Variants in ELMO2 observed in about 807,000 individuals in gnomAD.
ELMO2 encodes engulfment and cell motility protein 2.
In ELMO2, 37 loss-of-function variants were observed where a neutral mutation model predicts 96.2. The ratio of observed to expected loss-of-function variants is 0.38; its 90% CI spans 0.30 to 0.51. The LOEUF is 0.51. Ranked by LOEUF, ELMO2 falls within the 20% of genes least tolerant of loss-of-function variation. The pLI is 0.88. For synonymous variants in ELMO2, 315 were observed against 329.4 expected (o/e 0.96, Z 0.47); for missense variants, 561 against 912.6 (o/e 0.61, Z 4.96).
intron 6 of ELMO2, among the ~76,000 whole-genome samples, chr20:46,391,132 G>C (rs2060143464): frequency 6.6e-6 from 1 of 152,184 alleles, no homozygotes; most frequent in Non-Finnish European, 1.5e-5. Flanking sequence ...GTAACTCCCA[G>C]ACTGTCATAT....
At chr20:46,405,470 G>A (rs918908426) in intron 1 of ELMO2, among the ~76,000 whole-genome samples, 2 of 152,198 alleles carry the variant, frequency 1.3e-5, no homozygotes, top group Non-Finnish European at 2.9e-5. Context: ...GCGGACGGAC[G>A]AGTAGACAGA....
At chr20:46,378,889 A>G (rs6090484) in intron 11 of ELMO2, among the ~76,000 whole-genome samples, 2,943 of 152,342 alleles carry the variant, frequency 0.019, 87 homozygotes, top group African/African-American at 0.067. Flanking sequence ...GGCAGACTCC[A>G]AAGTCCATGT....
rs2060037196 is a variant in ELMO2, at chr20:46,386,116, T to C, written c.677+8A>G. 6.2e-7 allele frequency: 1 copy of C among 1,610,748 alleles called. No individual in the cohort carries two copies. Among genetic ancestry groups the C allele is most frequent in the Non-Finnish European group, 8.5e-7 (1 of 1,177,914 alleles). ...TGAAGGGAGGGAGGTGTAGGGTTTT[T>C]TACTCACACCTGGAGGTGTGAGATG... On this transcript the variant is annotated splice_region_variant and intron_variant, in intron 9 of 21. Coordinates refer to ENST00000290246, the MANE Select transcript of ELMO2 (RefSeq NM_133171.5).
chr20:46,376,785 C>A (rs1439512608), intron 11 of ELMO2: 2 of 1,289,182 alleles, frequency 1.6e-6, no homozygotes, highest in African/African-American at 1.5e-5. Flanking sequence ...CCACTATGTC[C>A]TTCAATTTCC....
chr20:46,377,426 C>G (rs1265128764), intron 11 of ELMO2, among the ~76,000 whole-genome samples: 1 of 152,212 alleles, frequency 6.6e-6, no homozygotes, highest in Admixed American at 6.5e-5. Flanking sequence ...ACTGGACGGT[C>G]CTGCTCTAGA....
chr20:46,402,317 C>T (rs2060350210), intron 1 of ELMO2, among the ~76,000 whole-genome samples: 2 of 152,200 alleles, frequency 1.3e-5, no homozygotes. Flanking sequence ...GGAAAATTCC[C>T]TCCAGGGTGC....
At chr20:46,368,345 C>CAGT (rs1858091845) in intron 21 of ELMO2, among the ~76,000 whole-genome samples, 1 of 152,030 alleles carries the variant, frequency 6.6e-6, no homozygotes, top group African/African-American at 2.4e-5. Flanking sequence ...GATGGAACTA[C>CAGT]AGGGCCCTTG....
intron 5 of ELMO2, 28 bp from the exon 6 acceptor site, chr20:46,393,171 G>A (rs767877615): frequency 6.2e-6 from 10 of 1,608,280 alleles, no homozygotes; most frequent in Non-Finnish European, 7.7e-6. Flanking sequence ...AACAAAAAAA[G>A]TAACTAAGAT....
At chr20:46,369,104 C>T (rs1244702042) in intron 20 of ELMO2, 136 bp from the exon 21 acceptor site, 3 of 794,912 alleles carry the variant, frequency 3.8e-6, no homozygotes, top group East Asian at 2.6e-5. Context: ...TGCTCCTAGG[C>T]GGCCACAAGT....
In ELMO2 at chr20:46,394,595, T is replaced by C. The variant is rs549054691; in HGVS notation, c.-50-63A>G. On this transcript the variant is annotated intron_variant, in intron 2 of 21. Coordinates refer to ENST00000290246, the MANE Select transcript of ELMO2 (RefSeq NM_133171.5). ...TTCTTCATTTTTCACTCTTGTTACA[T>C]GTTTTGAAGAGTTTGAAGACAGACA... The C allele has an allele frequency of 3.8e-4, 490 of 1,286,280 alleles. 7 individuals are homozygous for C. In the Admixed American group the frequency reaches 9.2e-3, roughly 24 times the overall value. The allele number at this position is 1,286,280 out of a possible 1,614,324, so 79.7% of individuals were successfully genotyped here.
rs115221109 is a variant in ELMO2 at position 46,369,258 on chromosome 20, T to C, written c.1885-290A>G. 1,177 of 298,394 alleles carry C rather than the reference T, an allele frequency of 3.9e-3. 23 individuals are homozygous for C. The highest frequency in any genetic ancestry group is 0.023 in the African/African-American group (1,089 of 47,396). The allele number at this position is 298,394 out of a possible 1,614,324, so 18.5% of individuals were successfully genotyped here. On this transcript the variant is annotated intron_variant, in intron 20 of 21. Coordinates refer to ENST00000290246, the MANE Select transcript of ELMO2 (RefSeq NM_133171.5). Reference sequence around the variant, plus strand: ...ACCCTGGAAGGTCACGATCCATGACTGTAAGTTATCCTAAAAGTTTTTATA... The same window carrying C: ...ACCCTGGAAGGTCACGATCCATGACCGTAAGTTATCCTAAAAGTTTTTATA...
chr20:46,369,052 G>C (rs763833475), intron 20 of ELMO2, 84 bp from the exon 21 acceptor site: 4 of 1,251,392 alleles, frequency 3.2e-6, no homozygotes, highest in East Asian at 4.7e-5. Flanking sequence ...CTAGTGACTC[G>C]GCATCATCAC....
rs550713314 is a variant in ELMO2, at chr20:46,383,473, G to A, written c.699C>T (p.Thr233=). The A allele has an allele frequency of 1.2e-6, 2 of 1,614,140 alleles. No homozygotes were observed. Among genetic ancestry groups the A allele is most frequent in the Non-Finnish European group, 1.7e-6 (2 of 1,179,978 alleles). The change falls in exon 10 of 22, where the codon ACC becomes ACT. Residue 233 remains threonine (T), a synonymous_variant. Transcript: ENST00000290246. ...GTGCATTAATCAGTGCAATGGCGTA[G>A]GTCTGAATCTCCTGGTTGGAGCTGT... The part of the protein sequence containing the change: ...HLQVSNQEIQ[T]YAIALINALF...
intron 10 of ELMO2, chr20:46,382,297 A>G (rs1406981787): frequency 2.3e-6 from 3 of 1,286,604 alleles, no homozygotes; most frequent in Non-Finnish European, 3.0e-6. Context: ...CTTTCAGCTT[A>G]CATTCAAACA....
chr20:46,379,148 C>G (rs771654763), intron 11 of ELMO2, among the ~76,000 whole-genome samples: 2 of 152,120 alleles, frequency 1.3e-5, no homozygotes, highest in Non-Finnish European at 2.9e-5. Context: ...CGCCTATCAC[C>G]ACGCCCGGCT....
intron 1 of ELMO2, among the ~76,000 whole-genome samples, chr20:46,404,318 C>T (rs932551763): frequency 6.6e-5 from 10 of 152,310 alleles, no homozygotes; most frequent in African/African-American, 2.4e-4. Context: ...CATCTGGACA[C>T]ATTATCTGAG....
chr20:46,369,353 A>C (rs2059649038), intron 20 of ELMO2: 1 of 169,132 alleles, frequency 5.9e-6, no homozygotes, highest in East Asian at 1.5e-4. Flanking sequence ...TTAAAAAACA[A>C]AACAAAACAC....
chr20:46,373,484 G>A lies in ELMO2; in HGVS notation c.1331C>T (p.Ala444Val), dbSNP rs2059774641. The change falls in exon 16 of 22, where the codon GCC (alanine) becomes GTC (valine). Residue 444 changes from alanine to valine, a missense_variant. Ala to Val is a moderately conservative substitution (Grantham distance 64, BLOSUM62 0). Transcript: ENST00000290246. The stretch of plus-strand genomic sequence containing the variant: ...GCAGATTCCAAAGAGCTCTTCAAAG[G>A]CTCGGTCATGGGTAAAGAACATCGG... ...YHPMFFTHDR[A>V]FEELFGICIQ... 1 of 1,614,032 alleles carries A rather than the reference G, an allele frequency of 6.2e-7. No individual in the cohort carries two copies. Among genetic ancestry groups the A allele is most frequent in the Non-Finnish European group, 8.5e-7 (1 of 1,180,038 alleles).
Position 46,386,104 on chromosome 20 carries a change from G to C in ELMO2, c.677+20C>G. 2 of 1,608,526 alleles carry C rather than the reference G, an allele frequency of 1.2e-6. No individual in the cohort carries two copies. The highest frequency in any genetic ancestry group is 8.5e-7 in the Non-Finnish European group (1 of 1,176,052). On this transcript the variant is annotated intron_variant, in intron 9 of 21. Coordinates refer to ENST00000290246, the MANE Select transcript of ELMO2 (RefSeq NM_133171.5). ...AGGACAGACAAGTGAAGGGAGGGAG[G>C]TGTAGGGTTTTTTACTCACACCTGG... is the stretch of plus-strand genomic sequence containing the variant.
Sources: gnomAD v4.1 joint callset for allele counts (sites outside exome capture counted in the v4.1 genomes callset) on GRCh38, gnomAD v4.1.1 for gene constraint, MANE v1.5 for transcripts, NCBI Gene and HGNC (gene_info 2026-07-23, HGNC 2026-07-21) for gene names.